Variants in RAB3C observed in about 807,000 individuals in gnomAD.
The protein encoded by RAB3C is RAB3C, member RAS oncogene family.
A neutral mutation model predicts 26.4 loss-of-function variants in RAB3C; 17 were observed. That is an observed-to-expected ratio of 0.64 (90% CI 0.44 to 0.97). RAB3C has a LOEUF of 0.97. Ranked by LOEUF, RAB3C falls within the 50% of genes least tolerant of loss-of-function variation. RAB3C has a pLI of 0.00. For missense variants in RAB3C, 242 were observed against 281.9 expected, an observed-to-expected ratio of 0.86 and a Z score of 1.01; for synonymous variants, 91 against 95.9, an observed-to-expected ratio of 0.95 and a Z score of 0.30.
chr5:58,708,279 C>T (rs1191150056), intron 2 of RAB3C, among the ~76,000 whole-genome samples: 5 of 152,174 alleles, frequency 3.3e-5, no homozygotes, highest in Non-Finnish European at 7.3e-5. Context: ...CATAAGCCAC[C>T]ATGCCTGGCC....
At chr5:58,637,432 T>A (rs1035351403) in intron 2 of RAB3C, among the ~76,000 whole-genome samples, 1 of 152,180 alleles carries the variant, frequency 6.6e-6, no homozygotes, top group Non-Finnish European at 1.5e-5. Flanking sequence ...GTAAAAGATC[T>A]GTGATTTCTA....
Position 58,738,912 on chromosome 5 carries a change from C to T in RAB3C, c.371+12792C>T, listed in dbSNP as rs182938495. ...TCTTTTCTTTGAAATTAGTTACTTGCCTTTGAGGGTAGATTTGTCTTAAAG... is the reference window on the plus strand; with the variant it reads ...TCTTTTCTTTGAAATTAGTTACTTGTCTTTGAGGGTAGATTTGTCTTAAAG... On this transcript the variant is annotated intron_variant, in intron 3 of 4. Transcript: ENST00000282878. Among the ~76,000 whole-genome samples the T allele has an allele frequency of 2.0e-5, 3 of 152,116 alleles. No individual in the cohort carries two copies. The East Asian group carries it at 5.8e-4, about 29-fold the overall frequency.
At chr5:58,771,541 TA>T (rs1483014299) in intron 3 of RAB3C, among the ~76,000 whole-genome samples, 1 of 152,098 alleles carries the variant, frequency 6.6e-6, no homozygotes, top group Non-Finnish European at 1.5e-5. Context: ...AGCAACAAAT[TA>T]ATAGGCAAGA....
chr5:58,633,985 A>AG (rs1481138246), intron 2 of RAB3C, among the ~76,000 whole-genome samples: 1 of 151,322 alleles, frequency 6.6e-6, no homozygotes, highest in African/African-American at 2.4e-5. Flanking sequence ...TACAAAAAAA[A>AG]AAAAAATTAG....
intron 4 of RAB3C, among the ~76,000 whole-genome samples, chr5:58,839,689 C>G (rs1433117281): frequency 1.3e-5 from 2 of 151,932 alleles, no homozygotes; most frequent in African/African-American, 2.4e-5. Context: ...TCTCTTTTTT[C>G]CTTCATATAT....
chr5:58,656,353 G>C (rs1484494997), intron 2 of RAB3C, among the ~76,000 whole-genome samples: 1 of 152,150 alleles, frequency 6.6e-6, no homozygotes, highest in African/African-American at 2.4e-5. Flanking sequence ...GTTGCTAAGA[G>C]AGTAGATCTT....
At chr5:58,822,924 C>T (rs770300935) in intron 3 of RAB3C, 2 of 641,060 alleles carry the variant, frequency 3.1e-6, no homozygotes, top group Admixed American at 1.8e-5. Context: ...GATGGTCAGC[C>T]TGGTGCCTTC....
intron 1 of RAB3C, among the ~76,000 whole-genome samples, chr5:58,605,730 T>A (rs544184604): frequency 3.3e-5 from 5 of 152,094 alleles, no homozygotes; most frequent in Non-Finnish European, 7.4e-5. Flanking sequence ...AAACCCTGTT[T>A]CTACTAAAAA....
chr5:58,622,012 G>A (rs1013731848), intron 2 of RAB3C, among the ~76,000 whole-genome samples: 1 of 152,156 alleles, frequency 6.6e-6, no homozygotes, highest in Non-Finnish European at 1.5e-5. Context: ...TAGTAGATTT[G>A]CAACAGTCTA....
intron 2 of RAB3C, among the ~76,000 whole-genome samples, chr5:58,688,297 G>A: frequency 6.6e-6 from 1 of 151,976 alleles, no homozygotes; most frequent in East Asian, 1.9e-4. Context: ...GTTGTTTATG[G>A]CAGCCATGTG....
At chr5:58,845,008 T>G (rs1159687147) in intron 4 of RAB3C, among the ~76,000 whole-genome samples, 1 of 152,192 alleles carries the variant, frequency 6.6e-6, no homozygotes, top group African/African-American at 2.4e-5. Flanking sequence ...TGTAATGCAC[T>G]GGAGAAAGCG....
At chr5:58,845,612 A>ATATATATATATATATG in intron 4 of RAB3C, among the ~76,000 whole-genome samples, 4 of 81,724 alleles carry the variant, frequency 4.9e-5, no homozygotes, top group African/African-American at 1.7e-4. Flanking sequence ...ATATATATAT[A>ATATATATATATATATG]TGTGTGTGTG....
chr5:58,599,804 G>A (rs1746410843), intron 1 of RAB3C, among the ~76,000 whole-genome samples: 1 of 151,730 alleles, frequency 6.6e-6, no homozygotes, highest in Admixed American at 6.6e-5. Context: ...TGGATTGTCT[G>A]TTTACTCTGC....
intron 2 of RAB3C, among the ~76,000 whole-genome samples, chr5:58,659,584 A>C (rs1416921076): frequency 6.6e-6 from 1 of 152,228 alleles, no homozygotes; most frequent in Non-Finnish European, 1.5e-5. Context: ...ATATTCAGTT[A>C]TGCTCTTGTG....
intron 2 of RAB3C, among the ~76,000 whole-genome samples, chr5:58,683,934 C>A (rs1314476022): frequency 6.6e-6 from 1 of 152,106 alleles, no homozygotes; most frequent in East Asian, 1.9e-4. Flanking sequence ...TATAATTGTT[C>A]TATTTTATTA....
intron 4 of RAB3C, among the ~76,000 whole-genome samples, 162 bp downstream of exon 4, chr5:58,825,324 C>T (rs763307477): frequency 1.1e-4 from 16 of 152,110 alleles, no homozygotes; most frequent in Non-Finnish European, 2.1e-4. Flanking sequence ...ATATTTTCTC[C>T]CACTTACTAT....
In RAB3C at chr5:58,726,132, C is replaced by T. The variant is rs1407423550; in HGVS notation, c.371+12C>T. 3.1e-6 allele frequency: 4 copies of T among 1,311,270 alleles called. No homozygotes were observed. The highest frequency in any genetic ancestry group is 2.5e-5 in the South Asian group (2 of 80,034). 81.2% of individuals were successfully genotyped at this position (1,311,270 alleles called of 1,614,324 possible). A position where few individuals can be genotyped will look rare whatever the true frequency, so the allele number is the denominator to read the frequency against. ...GCAGTACAAGATTGGTAAGTCAGAG[C>T]AAATACTCTTATTACTGATAATGAT... On this transcript the variant is annotated intron_variant, in intron 3 of 4. Transcript: ENST00000282878.
intron 2 of RAB3C, among the ~76,000 whole-genome samples, chr5:58,656,144 C>G (rs1747768435): frequency 6.6e-6 from 1 of 152,028 alleles, no homozygotes; most frequent in South Asian, 2.1e-4. Context: ...CTTAGAAAGG[C>G]TAAAATAAAG....
At chr5:58,804,876 T>C (rs917699915) in intron 3 of RAB3C, among the ~76,000 whole-genome samples, 1 of 151,942 alleles carries the variant, frequency 6.6e-6, no homozygotes, top group Non-Finnish European at 1.5e-5. Context: ...CTAAAGATAA[T>C]GTTTTTGTGT....
Sources: allele counts gnomAD v4.1 joint callset (sites outside exome capture counted in the v4.1 genomes callset), GRCh38; gene constraint gnomAD v4.1.1; transcripts MANE v1.5; gene names NCBI Gene and HGNC (gene_info 2026-07-23, HGNC 2026-07-21).